The following DHRSX variants were observed in gnomAD, a reference collection of about 807,000 sequenced individuals.
DHRSX encodes the protein polyprenol dehydrogenase.
In DHRSX, 31 loss-of-function variants were observed where a neutral mutation model predicts 34.0. The observed-to-expected ratio is 0.91, with a 90% CI of 0.69 to 1.23. DHRSX has a LOEUF of 1.23. Ranked by LOEUF, DHRSX falls within the 50% of genes most tolerant of loss-of-function variation. The probability of loss-of-function intolerance (pLI) is 0.00; values close to 1 mark genes in which losing one functional copy is unlikely to be tolerated. For missense variants in DHRSX, 414 were observed against 428.1 expected, an observed-to-expected ratio of 0.97 and a Z score of 0.29; for synonymous variants, 201 against 183.8, an observed-to-expected ratio of 1.09 and a Z score of -0.76.
intron 5 of DHRSX, among the ~76,000 whole-genome samples, chrX:2,257,961 A>G (rs779867084): frequency 6.6e-6 from 1 of 152,182 alleles, no homozygotes; most frequent in Non-Finnish European, 1.5e-5. Flanking sequence ...ATTCAGGTAA[A>G]ATGAGGTCAC....
At chrX:2,332,716 T>C (rs1487845478) in intron 3 of DHRSX, among the ~76,000 whole-genome samples, 1 of 152,208 alleles carries the variant, frequency 6.6e-6, no homozygotes, top group Non-Finnish European at 1.5e-5. Context: ...CATTGAGTTT[T>C]AGTAAGAATC....
chrX:2,473,487 G>A (rs151338998), intron 1 of DHRSX, among the ~76,000 whole-genome samples: 1 of 151,054 alleles, frequency 6.6e-6, no homozygotes, highest in Admixed American at 6.6e-5. Flanking sequence ...GCCGGGCGTG[G>A]TGGCACATGC....
chrX:2,346,203 T>C (rs1310063249), intron 3 of DHRSX, among the ~76,000 whole-genome samples: 1 of 151,716 alleles, frequency 6.6e-6, no homozygotes, highest in Non-Finnish European at 1.5e-5. Context: ...AAACCAGGCA[T>C]CTCACTCCAT....
chrX:2,369,258 T>C (rs1159489106), intron 3 of DHRSX, among the ~76,000 whole-genome samples: 1 of 152,140 alleles, frequency 6.6e-6, no homozygotes, highest in East Asian at 1.9e-4. Flanking sequence ...TGAAGATGGG[T>C]GATACCAACA....
intron 3 of DHRSX, among the ~76,000 whole-genome samples, chrX:2,363,646 T>C (rs1425570109): frequency 6.7e-6 from 1 of 149,816 alleles, no homozygotes; most frequent in Non-Finnish European, 1.5e-5. Context: ...CATGCCGCCA[T>C]TTTATCACCG....
intron 3 of DHRSX, among the ~76,000 whole-genome samples, chrX:2,341,431 C>T (rs2042638316): frequency 6.6e-6 from 1 of 152,100 alleles, no homozygotes; most frequent in African/African-American, 2.4e-5. Context: ...TCCAGGCATC[C>T]CTGGGCTTAT....
chrX:2,250,415 G>A (rs1339704299), intron 5 of DHRSX, among the ~76,000 whole-genome samples: 2 of 152,178 alleles, frequency 1.3e-5, no homozygotes, highest in African/African-American at 4.8e-5. Context: ...GGAGCATCCC[G>A]AGAGCTGCTG....
At chrX:2,242,997 G>C in intron 6 of DHRSX, 26 bp downstream of exon 6, 1 of 1,605,926 alleles carries the variant, frequency 6.2e-7, no homozygotes, top group Non-Finnish European at 8.5e-7. Flanking sequence ...GTGCAGCCGT[G>C]AATCAGAGAA....
chrX:2,270,039 A>G (rs1011482869), intron 4 of DHRSX, among the ~76,000 whole-genome samples: 5 of 152,048 alleles, frequency 3.3e-5, no homozygotes, highest in Non-Finnish European at 7.4e-5. Flanking sequence ...ATGTGTTTGT[A>G]TATGTAGAGG....
intron 3 of DHRSX, among the ~76,000 whole-genome samples, chrX:2,326,785 G>A (rs1719035373): frequency 6.6e-6 from 1 of 151,046 alleles, no homozygotes; most frequent in Admixed American, 6.7e-5. Flanking sequence ...ACTGGGGGAA[G>A]GGAAATCTTC....
At chrX:2,255,314 T>G (rs992706032) in intron 5 of DHRSX, among the ~76,000 whole-genome samples, 4 of 152,116 alleles carry the variant, frequency 2.6e-5, no homozygotes, top group Non-Finnish European at 4.4e-5. Context: ...AGACACATAG[T>G]GAGTGTGTCA....
chrX:2,240,296 A>AG lies in DHRSX; in HGVS notation c.804+2726_804+2727insC, dbSNP rs1238719012. Among the ~76,000 whole-genome samples, 6 of 151,944 alleles carry AG rather than the reference A, an allele frequency of 3.9e-5. No homozygotes were observed. In the East Asian group the frequency reaches 9.7e-4, roughly 25 times the overall value. On this transcript the variant is annotated intron_variant, in intron 6 of 6. Transcript: ENST00000334651. ...GACAGAGCGAGACTCTATCTCAAAA[A>AG]AAAAAAGAAAAAGAAAAAGAAAAAA...
At chrX:2,389,488 G>A (rs1342809522) in intron 3 of DHRSX, among the ~76,000 whole-genome samples, 3 of 152,162 alleles carry the variant, frequency 2.0e-5, no homozygotes, top group Non-Finnish European at 4.4e-5. Context: ...AGGGAGACAG[G>A]GAGGGCACAG....
intron 1 of DHRSX, among the ~76,000 whole-genome samples, chrX:2,479,149 AC>A (rs1321178614): frequency 6.6e-6 from 1 of 150,968 alleles, no homozygotes; most frequent in Non-Finnish European, 1.5e-5. Flanking sequence ...CAGCCAAAGG[AC>A]TGCTGCCCTG....
intron 4 of DHRSX, among the ~76,000 whole-genome samples, chrX:2,283,844 AT>A (rs2041764813): frequency 1.3e-5 from 2 of 152,218 alleles, no homozygotes; most frequent in African/African-American, 2.4e-5. Flanking sequence ...ACTTGAATTT[AT>A]TCATTTAAAT....
At chrX:2,426,236 T>A (rs1010621795) in intron 1 of DHRSX, among the ~76,000 whole-genome samples, 1 of 152,198 alleles carries the variant, frequency 6.6e-6, no homozygotes, top group African/African-American at 2.4e-5. Context: ...TAGCTGCTGG[T>A]ATCACACGTG....
chrX:2,444,748 T>C (rs2044106382), intron 1 of DHRSX, among the ~76,000 whole-genome samples: 1 of 151,844 alleles, frequency 6.6e-6, no homozygotes, highest in African/African-American at 2.4e-5. Flanking sequence ...GGTGGGAGCA[T>C]GGCTTGAGTC....
At chrX:2,311,150 G>A (rs2042160847) in intron 3 of DHRSX, among the ~76,000 whole-genome samples, 1 of 151,666 alleles carries the variant, frequency 6.6e-6, no homozygotes, top group Non-Finnish European at 1.5e-5. Flanking sequence ...AGAGAAAGAG[G>A]AGAGACACAG....
chrX:2,258,199 A>G (rs766843178), intron 5 of DHRSX, among the ~76,000 whole-genome samples: 20 of 151,172 alleles, frequency 1.3e-4, no homozygotes, highest in African/African-American at 3.9e-4. Context: ...TACACAGTCT[A>G]TGGTATTCTG....
Sources: gnomAD v4.1 joint callset for allele counts (sites outside exome capture counted in the v4.1 genomes callset) on GRCh38, gnomAD v4.1.1 for gene constraint, MANE v1.5 for transcripts, NCBI Gene and HGNC (gene_info 2026-07-23, HGNC 2026-07-21) for gene names.